Variants in SLC7A14 observed in about 807,000 individuals in gnomAD.
SLC7A14 encodes the protein solute carrier family 7 member 14, also known as gamma-aminobutyric acid transporter SLC7A14.
In SLC7A14, 37 loss-of-function variants were observed where a neutral mutation model predicts 60.2. The observed-to-expected ratio is 0.61, with a 90% confidence interval of 0.47 to 0.81. SLC7A14 has a LOEUF of 0.81. Ranked by LOEUF, SLC7A14 falls within the 30% of genes least tolerant of loss-of-function variation. The pLI is 0.00. For synonymous variants in SLC7A14, 399 were observed against 395.8 expected, an observed-to-expected ratio of 1.01 and a Z score of -0.10; for missense variants, 886 against 982.7, an observed-to-expected ratio of 0.90 and a Z score of 1.32.
chr3:170,461,583 C>A lies in SLC7A14; in HGVS notation c.*5472G>T, dbSNP rs1008672465. 1 of 152,238 alleles carries A rather than the reference C, an allele frequency of 6.6e-6. No homozygotes were observed. The highest frequency in any genetic ancestry group is 2.1e-4 in the South Asian group (1 of 4,822). 9.4% of individuals were successfully genotyped at this position (152,238 alleles called of 1,614,324 possible). A position where few individuals can be genotyped will look rare whatever the true frequency, so the allele number is the denominator to read the frequency against. ...TTTTGCTACCCATCCCCATTCCCAG[C>A]GAGAAATACTAAGTAAACTCCTTGG... On this transcript the variant is annotated 3_prime_UTR_variant, in exon 8 of 8. Coordinates refer to ENST00000231706, the MANE Select transcript of SLC7A14 (RefSeq NM_020949.3).
At chr3:170,552,543 C>G (rs753802875) in intron 1 of SLC7A14, among the ~76,000 whole-genome samples, 2 of 152,090 alleles carry the variant, frequency 1.3e-5, no homozygotes, top group Non-Finnish European at 2.9e-5. Context: ...TATTTGAAAG[C>G]GAATTCTTCC....
At chr3:170,481,793 G>A (rs1399618136) in intron 6 of SLC7A14, among the ~76,000 whole-genome samples, 1 of 152,156 alleles carries the variant, frequency 6.6e-6, no homozygotes, top group Non-Finnish European at 1.5e-5. Flanking sequence ...CTGTCTTTCA[G>A]AAACCTAGAT....
At chr3:170,576,671 A>C (rs1485820071) in intron 1 of SLC7A14, among the ~76,000 whole-genome samples, 1 of 152,214 alleles carries the variant, frequency 6.6e-6, no homozygotes, top group Non-Finnish European at 1.5e-5. Context: ...AGAATTAGGG[A>C]CCAGGAACAG....
chr3:170,545,944 C>A (rs876560), intron 1 of SLC7A14, among the ~76,000 whole-genome samples: 35,533 of 152,176 alleles, frequency 0.23, 4,471 homozygotes, highest in South Asian at 0.28. Flanking sequence ...GAGTTGCCTT[C>A]CTCTGCTGCC....
At chr3:170,473,452 G>T (rs1482171943) in intron 7 of SLC7A14, among the ~76,000 whole-genome samples, 3 of 152,184 alleles carry the variant, frequency 2.0e-5, no homozygotes, top group Non-Finnish European at 2.9e-5. Flanking sequence ...CGAGAGAGGT[G>T]GGCCACCTGA....
In SLC7A14 at chr3:170,556,873, G is replaced by A. The variant is rs180773021; in HGVS notation, c.-153+29038C>T. On this transcript the variant is annotated intron_variant, in intron 1 of 7. Transcript: ENST00000231706. ...TCATGTGAATTATTTCAAGATCTAC[G>A]TTATTCTCACTGAAATATGGCCTAC... is the stretch of plus-strand genomic sequence containing the variant. Among the ~76,000 whole-genome samples the A allele has an allele frequency of 8.7e-4, 132 of 152,252 alleles. 1 individual carries two copies. The highest frequency in any genetic ancestry group is 1.7e-3 in the Non-Finnish European group (118 of 68,014).
In SLC7A14 at chr3:170,585,315, G is replaced by T. The variant is rs1206084853; in HGVS notation, c.-153+596C>A. Among the ~76,000 whole-genome samples the T allele has an allele frequency of 2.0e-5, 3 of 152,142 alleles. No individual in the cohort carries two copies. Among genetic ancestry groups the T allele is most frequent in the African/African-American group, 7.2e-5 (3 of 41,458 alleles). On this transcript the variant is annotated intron_variant, in intron 1 of 7. Transcript: ENST00000231706. This position sits in a 1 kb window ranked among gnomAD's most constrained non-coding sequence, Gnocchi z 5.1. ...GAGTCACCACTCTCCGGGGACAGAC[G>T]CCCCTCGGGGCGCCACCATCCTGGT...
intron 5 of SLC7A14, among the ~76,000 whole-genome samples, chr3:170,485,818 G>C (rs1039383934): frequency 1.3e-5 from 2 of 152,214 alleles, no homozygotes; most frequent in Non-Finnish European, 2.9e-5. Context: ...CCTCTTTGCT[G>C]CCGGGAAGCT....
chr3:170,576,145 T>C (rs1715084670), intron 1 of SLC7A14, among the ~76,000 whole-genome samples: 1 of 152,212 alleles, frequency 6.6e-6, no homozygotes, highest in South Asian at 2.1e-4. Flanking sequence ...TGTTTCCTGG[T>C]CTCTCCTTGG....
intron 7 of SLC7A14, chr3:170,476,795 GT>G (rs1711631450): frequency 1.3e-5 from 2 of 152,206 alleles, no homozygotes; most frequent in African/African-American, 4.8e-5. Context: ...GCCCAAAGAA[GT>G]TAAGTAAATT....
chr3:170,493,301 C>T (rs899575368), intron 4 of SLC7A14, among the ~76,000 whole-genome samples: 6 of 152,142 alleles, frequency 3.9e-5, no homozygotes, highest in Admixed American at 3.3e-4. Flanking sequence ...GTAAACCATT[C>T]CTTAAGCTAT....
intron 5 of SLC7A14, among the ~76,000 whole-genome samples, chr3:170,485,612 C>T (rs2052397): frequency 0.26 from 39,999 of 151,922 alleles, 5,701 homozygotes; most frequent in African/African-American, 0.36. Flanking sequence ...GTCTCAGGGG[C>T]GTGATCCTGA....
chr3:170,547,652 G>T (rs1235479940), intron 1 of SLC7A14, among the ~76,000 whole-genome samples: 1 of 152,156 alleles, frequency 6.6e-6, no homozygotes, highest in Non-Finnish European at 1.5e-5. Flanking sequence ...GGAGGGGTTG[G>T]TCTTACTCTC....
In SLC7A14 at chr3:170,480,986, T is replaced by C. The variant is rs1711795629; in HGVS notation, c.1296A>G (p.Gln432=). 6.2e-7 allele frequency: 1 copy of C among 1,613,822 alleles called. No individual in the cohort carries two copies. The highest frequency in any genetic ancestry group is 1.3e-5 in the African/African-American group (1 of 74,808). Residue 432 remains glutamine (Q), a synonymous_variant, in exon 7 of 8, where the codon CAA becomes CAG. Transcript: ENST00000231706. ...VSVCVLLLRY[Q]PESDIDGFVK... ...CAAAACCATCAATGTCACTCTCAGG[T>C]TGGTATCGAAGGAGCAAGACACAGA...
intron 1 of SLC7A14, among the ~76,000 whole-genome samples, chr3:170,536,923 G>A (rs1271364730): frequency 6.6e-6 from 1 of 152,112 alleles, no homozygotes; most frequent in Non-Finnish European, 1.5e-5. Flanking sequence ...TGTAATCTGA[G>A]CCCCCAGAAG....
intron 2 of SLC7A14, among the ~76,000 whole-genome samples, chr3:170,505,297 G>A (rs910449811): frequency 7.2e-5 from 11 of 152,226 alleles, no homozygotes; most frequent in Non-Finnish European, 1.3e-4. Context: ...TGCATTTGTG[G>A]CAGTTGTACT....
intron 2 of SLC7A14, among the ~76,000 whole-genome samples, chr3:170,510,075 C>CA (rs34579714): frequency 0.02 from 1,542 of 78,466 alleles, 23 homozygotes; most frequent in Admixed American, 0.054. Context: ...AACTCTGTCT[C>CA]AAAAAAAAAA....
Position 170,467,182 on chromosome 3 carries a change from T to C in SLC7A14, c.2189A>G (p.Tyr730Cys). The change falls in exon 8 of 8, where the codon TAT becomes TGT. Residue 730 changes from tyrosine to cysteine, a missense_variant. Physicochemically the swap from Tyr to Cys is radical, Grantham distance 194. Coordinates refer to ENST00000231706, the MANE Select transcript of SLC7A14 (RefSeq NM_020949.3). ...WGGPTEDKGF[Y>C]YQQMSDAKAN... ...CTTCGCATCTGACATCTGTTGGTAA[T>C]AGAAGCCTTTGTCTTCAGTGGGCCC... 1.2e-6 allele frequency: 2 copies of C among 1,614,270 alleles called. 1 individual carries two copies. The highest frequency in any genetic ancestry group is 3.3e-4 in the Middle Eastern group (2 of 6,062).
chr3:170,564,408 A>G (rs995702714), intron 1 of SLC7A14, among the ~76,000 whole-genome samples: 10 of 152,230 alleles, frequency 6.6e-5, no homozygotes, highest in Non-Finnish European at 1.3e-4. Context: ...ATTGGATCTG[A>G]CACTGTCATT....
Sources: gnomAD v4.1 joint callset for allele counts (sites outside exome capture counted in the v4.1 genomes callset) on GRCh38, gnomAD v4.1.1 for gene constraint, Gnocchi (gnomAD v3.1) non-coding constraint, MANE v1.5 for transcripts, NCBI Gene and HGNC (gene_info 2026-07-23, HGNC 2026-07-21) for gene names.